The following SNX8 variants were observed in gnomAD, a reference collection of about 807,000 sequenced individuals.
SNX8 encodes sorting nexin 8.
In SNX8, 25 loss-of-function variants were observed where a neutral mutation model predicts 51.6. The observed-to-expected ratio is 0.48, with a 90% CI of 0.35 to 0.68. The LOEUF (loss-of-function observed/expected upper bound fraction) is 0.68, where lower values mean the gene tolerates loss of function less well. Ranked by LOEUF, SNX8 falls within the 30% of genes least tolerant of loss-of-function variation. SNX8 has a pLI of 0.00. For missense variants in SNX8, 695 were observed against 624.0 expected (o/e 1.11, Z -1.21); for synonymous variants, 324 against 277.0 (o/e 1.17, Z -1.68).
chr7:2,277,498 T>G (rs936719997), intron 2 of SNX8, among the ~76,000 whole-genome samples: 2 of 151,566 alleles, frequency 1.3e-5, no homozygotes, highest in Non-Finnish European at 2.9e-5. Flanking sequence ...CCGCGGGAGA[T>G]TCCTAAGAAA....
chr7:2,311,458 G>A (rs1010077393), intron 1 of SNX8, among the ~76,000 whole-genome samples: 1 of 152,106 alleles, frequency 6.6e-6, no homozygotes, highest in African/African-American at 2.4e-5. Flanking sequence ...CCTGGGCTCG[G>A]GCGATCCTCC....
At chr7:2,327,209 C>G (rs1778636900) in intron 1 of SNX8, among the ~76,000 whole-genome samples, 1 of 151,938 alleles carries the variant, frequency 6.6e-6, no homozygotes. Context: ...CCTTGTATGT[C>G]TGTCTTCACA....
intron 1 of SNX8, among the ~76,000 whole-genome samples, chr7:2,295,731 TAG>T (rs1416698194): frequency 2.6e-5 from 4 of 152,154 alleles, no homozygotes; most frequent in Non-Finnish European, 5.9e-5. Flanking sequence ...TTTCAGGTCT[TAG>T]ATTTAAGTCT....
intron 1 of SNX8, among the ~76,000 whole-genome samples, chr7:2,286,856 T>C (rs1272062656): frequency 1.3e-5 from 2 of 152,010 alleles, no homozygotes; most frequent in African/African-American, 2.4e-5. Flanking sequence ...AAATTAATTT[T>C]TTGGCCAGGC....
intron 1 of SNX8, among the ~76,000 whole-genome samples, chr7:2,353,204 A>T (rs1313476672): frequency 6.6e-6 from 1 of 151,954 alleles, no homozygotes; most frequent in Non-Finnish European, 1.5e-5. Flanking sequence ...AATGTCACTG[A>T]ACTGTACACT....
In SNX8 at chr7:2,257,511, G is replaced by A. The variant is rs1335720269; in HGVS notation, c.988C>T (p.Leu330=). 1.2e-6 allele frequency: 2 copies of A among 1,602,314 alleles called. No homozygotes were observed. The highest frequency in any genetic ancestry group is 2.2e-5 in the South Asian group (2 of 90,586). The part of the protein sequence containing the change: ...FLDLLQSYKD[L]CERHEKGVLH... Reference sequence around the variant, plus strand: ...ACGCCCTTCTCATGCCGCTCGCACAGGTCCTGCGGGGCCGGGGGAGGCATT... The same window carrying A: ...ACGCCCTTCTCATGCCGCTCGCACAAGTCCTGCGGGGCCGGGGGAGGCATT... The change falls in exon 9 of 11, where the codon CTG becomes TTG. Residue 330 remains leucine, a synonymous_variant. Coordinates refer to ENST00000222990, the MANE Select transcript of SNX8 (RefSeq NM_013321.4).
chr7:2,258,005 A>C, intron 7 of SNX8, among the ~76,000 whole-genome samples: 1 of 139,728 alleles, frequency 7.2e-6, no homozygotes, highest in Non-Finnish European at 1.5e-5. Context: ...CGAGCCCAGC[A>C]GTCTTTTTTT....
In SNX8 at chr7:2,278,206, G is replaced by T. The variant is rs1461837053; in HGVS notation, c.194C>A (p.Ser65Tyr). 1.2e-6 allele frequency: 2 copies of T among 1,613,616 alleles called. No individual in the cohort carries two copies. Among genetic ancestry groups the T allele is most frequent in the Non-Finnish European group, 1.7e-6 (2 of 1,179,752 alleles). The part of the protein sequence containing the change: ...QMPQGNPLLL[S>Y]HTLQELLARD... ...GGCCAGCAGCTCCTGCAGGGTGTGG[G>T]ACAGCAGCAGCGGGTTCCCCTGCGG... The change falls in exon 2 of 11, where the codon TCC becomes TAC. Residue 65 changes from serine (S) to tyrosine (Y), a missense_variant. Transcript: ENST00000222990.
chr7:2,275,072 C>T (rs763977824), intron 3 of SNX8, 40 bp downstream of exon 3: 5 of 1,381,672 alleles, frequency 3.6e-6, no homozygotes, highest in Non-Finnish European at 5.2e-6. Flanking sequence ...GAGATGGGCT[C>T]GCTCCCTCCG....
intron 1 of SNX8, among the ~76,000 whole-genome samples, chr7:2,351,971 A>G (rs1428371722): frequency 7.5e-6 from 1 of 132,800 alleles, no homozygotes; most frequent in East Asian, 2.2e-4. Flanking sequence ...GAAATGGTGC[A>G]ATCTCCGCTC....
upstream of SNX8, among the ~76,000 whole-genome samples, chr7:2,316,329 C>CCACT (rs1234430403): frequency 1.4e-5 from 2 of 138,432 alleles, no homozygotes; most frequent in Admixed American, 7.3e-5. Context: ...ATTCACCCAC[C>CCACT]CACTCACTGC....
chr7:2,327,908 G>A (rs373263798), intron 1 of SNX8, among the ~76,000 whole-genome samples: 1 of 152,020 alleles, frequency 6.6e-6, no homozygotes, highest in Non-Finnish European at 1.5e-5. Flanking sequence ...TGTCACCCAG[G>A]CTGGAGTGCA....
rs143499401 is a variant in SNX8, at chr7:2,252,982, CCCTGTTCT to C, written c.*2066_*2073del. ...CCCCCTCACCCCTGCCCTCCCTTACCCCTGTTCTCCTGTTCTCCTGACCCCTGCCCTCC... is the reference window on the plus strand; with the variant it reads ...CCCCCTCACCCCTGCCCTCCCTTACCCCTGTTCTCCTGACCCCTGCCCTCC... On this transcript the variant is annotated 3_prime_UTR_variant, in exon 11 of 11. Transcript: ENST00000222990. 0.016 allele frequency: 2,111 copies of C among 131,702 alleles called. 51 individuals carry two copies. Among genetic ancestry groups the C allele is most frequent in the African/African-American group, 0.037 (1,121 of 30,262 alleles). The allele number at this position is 131,702 out of a possible 1,614,324, so 8.2% of individuals were successfully genotyped here.
intron 1 of SNX8, among the ~76,000 whole-genome samples, chr7:2,344,025 C>T (rs1459977025): frequency 1.4e-5 from 2 of 142,494 alleles, no homozygotes; most frequent in Non-Finnish European, 1.5e-5. Context: ...AAGAGCAAAA[C>T]TCCATCTCAA....
At chr7:2,319,496 C>T (rs1173021808) in intron 1 of SNX8, among the ~76,000 whole-genome samples, 1 of 149,736 alleles carries the variant, frequency 6.7e-6, no homozygotes, top group Non-Finnish European at 1.5e-5. Context: ...ATGGTAAAAC[C>T]CCATCTCTAC....
At chr7:2,331,579 G>A (rs1281820194) in intron 1 of SNX8, among the ~76,000 whole-genome samples, 1 of 151,250 alleles carries the variant, frequency 6.6e-6, no homozygotes, top group African/African-American at 2.4e-5. Flanking sequence ...GTGGCAGGCG[G>A]CTGTAATACC....
chr7:2,317,681 A>G (rs983998375), upstream of SNX8, among the ~76,000 whole-genome samples: 1 of 152,000 alleles, frequency 6.6e-6, no homozygotes, highest in Non-Finnish European at 1.5e-5. Flanking sequence ...CCTTCTCACA[A>G]GGTAGTTACT....
At chr7:2,281,549 G>A (rs1275641619) in intron 1 of SNX8, among the ~76,000 whole-genome samples, 2 of 152,054 alleles carry the variant, frequency 1.3e-5, no homozygotes, top group Admixed American at 1.3e-4. Flanking sequence ...TAAACGTTAT[G>A]CTCACTAATG....
chr7:2,302,515 G>A (rs561182836), intron 1 of SNX8, among the ~76,000 whole-genome samples: 55 of 152,254 alleles, frequency 3.6e-4, no homozygotes, highest in Middle Eastern at 6.8e-3. Flanking sequence ...GCCTCTGCCC[G>A]GCCACCACCC....
Sources: allele counts gnomAD v4.1 joint callset (sites outside exome capture counted in the v4.1 genomes callset), GRCh38; gene constraint gnomAD v4.1.1; transcripts MANE v1.5; gene names NCBI Gene and HGNC (gene_info 2026-07-23, HGNC 2026-07-21).